The following BPIFB2 variants were observed in gnomAD, a reference collection of about 807,000 sequenced individuals.
BPIFB2 encodes the protein BPI fold containing family B member 2.
BPIFB2 carries 39 observed loss-of-function variants against 50.1 expected under a neutral mutation model. The observed-to-expected ratio is 0.78, with a 90% confidence interval of 0.60 to 1.02. The LOEUF is 1.02. Among genes scored for constraint, BPIFB2 ranks in the 50% least tolerant of loss-of-function variants. The pLI, the probability that BPIFB2 is intolerant of heterozygous loss-of-function variation, is 0.00. For synonymous variants in BPIFB2, 280 were observed against 256.3 expected (o/e 1.09, Z -0.88); for missense variants, 574 against 585.8 (o/e 0.98, Z 0.21).
At chr20:33,018,969 GC>G in intron 9 of BPIFB2, 92 bp from the exon 10 acceptor site, 1 of 1,587,882 alleles carries the variant, frequency 6.3e-7, no homozygotes, top group Admixed American at 1.7e-5. Flanking sequence ...TTAAACGGGG[GC>G]TATGGGGAGC....
intron 6 of BPIFB2, among the ~76,000 whole-genome samples, chr20:33,015,801 GA>G (rs1978406567): frequency 6.6e-6 from 1 of 152,048 alleles, no homozygotes; most frequent in Non-Finnish European, 1.5e-5. Context: ...TGTGGTTTGT[GA>G]AAAGAAGACA....
At chr20:33,022,770 C>A (rs1255504005) in intron 15 of BPIFB2, among the ~76,000 whole-genome samples, 1 of 152,170 alleles carries the variant, frequency 6.6e-6, no homozygotes, top group Non-Finnish European at 1.5e-5. Context: ...AGCCATAGGA[C>A]TAATTAATTA....
intron 15 of BPIFB2, 69 bp downstream of exon 15, chr20:33,021,868 C>G: frequency 2.7e-6 from 4 of 1,463,464 alleles, no homozygotes; most frequent in Non-Finnish European, 3.8e-6. Flanking sequence ...TGGGGGTCAC[C>G]TCTCTCCCTC....
At position 33,015,430 on chromosome 20, in the gene BPIFB2, C is replaced by T. The variant is rs200055611; in HGVS notation, c.456-6C>T. 1.2e-6 allele frequency: 2 copies of T among 1,612,176 alleles called. No homozygotes were observed. Among genetic ancestry groups the T allele is most frequent in the East Asian group, 4.5e-5 (2 of 44,812 alleles). ...CCCAGGAACTCTTTCTGTGTTTCTC[C>T]CTCAGCACCTCCCACGCGCTGCTGG... On this transcript the variant is annotated splice_polypyrimidine_tract_variant and splice_region_variant and intron_variant, in intron 5 of 15. Transcript: ENST00000170150.
chr20:33,018,909 G>T, intron 9 of BPIFB2, 87 bp downstream of exon 9: 1 of 1,567,634 alleles, frequency 6.4e-7, no homozygotes, highest in Non-Finnish European at 8.7e-7. Context: ...GCCAAATCAT[G>T]GGTGGGTGGG....
rs1169398324 is a variant in BPIFB2, at chr20:33,014,023, G to T, written c.455+67G>T. 3.9e-6 allele frequency: 6 copies of T among 1,555,592 alleles called. No individual in the cohort carries two copies. In the African/African-American group the frequency reaches 8.2e-5, roughly 21 times the overall value. On this transcript the variant is annotated intron_variant, in intron 5 of 15. Coordinates refer to ENST00000170150, the MANE Select transcript of BPIFB2 (RefSeq NM_025227.3). ...CCAAAGCTGTGCTGCTGTTTCCTGA[G>T]CTGCCCACTCAGGACTTTAACCAAT...
chr20:33,010,994 C>A, intron 2 of BPIFB2, 30 bp from the exon 3 acceptor site: 1 of 1,598,098 alleles, frequency 6.3e-7, no homozygotes, highest in East Asian at 2.2e-5. Context: ...CCCGAGGGCA[C>A]CCTGACCTCA....
At position 33,023,504 on chromosome 20, in the gene BPIFB2, C is replaced by CATA; in HGVS notation, c.*121_*122insATA. On this transcript the variant is annotated 3_prime_UTR_variant, in exon 16 of 16. Transcript: ENST00000170150. ...TAGTCATCACCAACAAGCTGGACTG[C>CATA]TTAGCTGGGCTGTTTTATCTTCCCT... 8.4e-7 allele frequency: 1 copy of CATA among 1,188,282 alleles called. No individual in the cohort carries two copies. 73.6% of individuals were successfully genotyped at this position (1,188,282 alleles called of 1,614,324 possible). A position where few individuals can be genotyped will look rare whatever the true frequency, so the allele number is the denominator to read the frequency against.
At chr20:33,022,397 G>A (rs1056360426) in intron 15 of BPIFB2, among the ~76,000 whole-genome samples, 5 of 152,230 alleles carry the variant, frequency 3.3e-5, no homozygotes, top group African/African-American at 1.2e-4. Context: ...CAGGGAGGAT[G>A]CCCTTGTTCC....
intron 9 of BPIFB2, 29 bp from the exon 10 acceptor site, chr20:33,019,033 C>T (rs769609256): frequency 2.0e-5 from 33 of 1,613,978 alleles, no homozygotes; most frequent in African/African-American, 2.7e-5. Flanking sequence ...TGTCCTAAAA[C>T]CTGTTGTGGC....
rs759381977 is a variant in BPIFB2 at position 33,023,432 on chromosome 20, G to A, written c.*49G>A. On this transcript the variant is annotated 3_prime_UTR_variant, in exon 16 of 16. Transcript: ENST00000170150. ...GAGTGGGCCAGCTCGCTGCTCAGGC[G>A]AATTTCTCATTTCAAGCCACTGGGG... 1.6e-5 allele frequency: 25 copies of A among 1,590,660 alleles called. No individual in the cohort carries two copies. The highest frequency in any genetic ancestry group is 1.7e-4 in the Middle Eastern group (1 of 6,046).
chr20:33,010,469 T>C (rs563898052), intron 2 of BPIFB2, among the ~76,000 whole-genome samples: 8 of 152,364 alleles, frequency 5.3e-5, no homozygotes, highest in Admixed American at 2.0e-4. Context: ...ATTAGAATCA[T>C]TGCAGATGTA....
chr20:33,020,211 CA>C, intron 11 of BPIFB2, 116 bp from the exon 12 acceptor site: 2 of 972,300 alleles, frequency 2.1e-6, no homozygotes, highest in Non-Finnish European at 3.2e-6. Flanking sequence ...TGGCACATAG[CA>C]GGGGCTCCAC....
intron 4 of BPIFB2, among the ~76,000 whole-genome samples, chr20:33,013,599 C>A (rs1990317645): frequency 1.3e-5 from 2 of 152,208 alleles, no homozygotes; most frequent in African/African-American, 2.4e-5. Flanking sequence ...GTGCTCACAC[C>A]CACTGCTGCA....
At chr20:33,013,165 G>C (rs1990312588) in intron 4 of BPIFB2, among the ~76,000 whole-genome samples, 1 of 152,146 alleles carries the variant, frequency 6.6e-6, no homozygotes, top group Non-Finnish European at 1.5e-5. Flanking sequence ...CTGTAAAATG[G>C]GATGAACTTC....
At chr20:33,017,240 C>A in intron 7 of BPIFB2, 138 bp downstream of exon 7, 1 of 633,162 alleles carries the variant, frequency 1.6e-6, no homozygotes, top group South Asian at 2.9e-5. Context: ...TGTGAGCTCC[C>A]AAAACAGTGT....
intron 3 of BPIFB2, 152 bp from the exon 4 acceptor site, chr20:33,012,651 G>A: frequency 1.5e-6 from 1 of 667,422 alleles, no homozygotes; most frequent in East Asian, 2.7e-5. Context: ...CGTGGTGATG[G>A]AGAACTCACC....
chr20:33,017,432 T>C (rs1404166840), intron 7 of BPIFB2, among the ~76,000 whole-genome samples: 1 of 152,256 alleles, frequency 6.6e-6, no homozygotes, highest in Non-Finnish European at 1.5e-5. Flanking sequence ...TTCTAGAATC[T>C]AGACTCATCA....
At chr20:33,014,487 A>G (rs548961373) in intron 5 of BPIFB2, among the ~76,000 whole-genome samples, 3 of 152,298 alleles carry the variant, frequency 2.0e-5, no homozygotes, top group African/African-American at 7.2e-5. Context: ...GGTGTTAAGT[A>G]TTTCCTGCAT....
Sources: allele counts gnomAD v4.1 joint callset (sites outside exome capture counted in the v4.1 genomes callset), GRCh38; gene constraint gnomAD v4.1.1; transcripts MANE v1.5; gene names NCBI Gene and HGNC (gene_info 2026-07-23, HGNC 2026-07-21).